CAND1: variants seen among roughly 807,000 people sequenced by gnomAD.
The protein encoded by CAND1 is cullin-associated NEDD8-dissociated protein 1.
In CAND1, 7 loss-of-function variants were observed where a neutral mutation model predicts 108.5. That is an observed-to-expected ratio of 0.06 (90% CI 0.04 to 0.12). The LOEUF (loss-of-function observed/expected upper bound fraction) is 0.12. Among genes scored for constraint, CAND1 ranks in the 10% least tolerant of loss-of-function variants. The pLI is 1.00. For missense variants in CAND1, 941 were observed against 1,448.7 expected, an observed-to-expected ratio of 0.65 and a Z score of 5.69; for synonymous variants, 534 against 512.0, an observed-to-expected ratio of 1.04 and a Z score of -0.58.
chr12:67,278,996 A>AG lies in CAND1; in HGVS notation c.69-2914_69-2913insG, dbSNP rs145177747. 7.3e-4 allele frequency among the ~76,000 whole-genome samples: 111 copies of AG among 152,232 alleles called. 2 individuals carry two copies. In the East Asian group the frequency reaches 0.02, roughly 28 times the overall value. On this transcript the variant is annotated intron_variant, in intron 1 of 14. Transcript: ENST00000545606. ...TTGGTTAGCCCTTATATCAGCAAAA[A>AG]CTAGTACAGTACCTGATATGTAGTA...
At chr12:67,276,030 C>T (rs1474884308) in intron 1 of CAND1, among the ~76,000 whole-genome samples, 2 of 152,156 alleles carry the variant, frequency 1.3e-5, no homozygotes, top group African/African-American at 4.8e-5. Flanking sequence ...TTTGATATCA[C>T]CCTTCTCCCG....
intron 8 of CAND1, among the ~76,000 whole-genome samples, chr12:67,304,365 G>A (rs1382538319): frequency 1.3e-5 from 2 of 152,134 alleles, no homozygotes; most frequent in Non-Finnish European, 2.9e-5. Context: ...TCTCTGGAAA[G>A]CTAAATGATA....
intron 2 of CAND1, among the ~76,000 whole-genome samples, chr12:67,285,892 G>C (rs1470085843): frequency 6.6e-6 from 1 of 152,132 alleles, no homozygotes; most frequent in Non-Finnish European, 1.5e-5. Flanking sequence ...GTAGTCCATT[G>C]ATGGTTTGTT....
At position 67,313,522 on chromosome 12, in the gene CAND1, A is replaced by G. The variant is rs1404244975; in HGVS notation, c.*692A>G. On this transcript the variant is annotated 3_prime_UTR_variant, in exon 15 of 15. Transcript: ENST00000545606. ...ATAAGTATTAGTGCAATTTTCAGATATTTATTTTTGCACAGAAAACACATT... is the reference window on the plus strand; with the variant it reads ...ATAAGTATTAGTGCAATTTTCAGATGTTTATTTTTGCACAGAAAACACATT... The G allele has an allele frequency of 6.6e-6, 1 of 152,596 alleles. No individual in the cohort carries two copies. The highest frequency in any genetic ancestry group is 1.5e-5 in the Non-Finnish European group (1 of 68,002). The allele number at this position is 152,596 out of a possible 1,614,324, so 9.5% of individuals were successfully genotyped here.
chr12:67,270,591 T>G (rs2044511447), intron 1 of CAND1: 1 of 152,224 alleles, frequency 6.6e-6, no homozygotes, highest in Admixed American at 6.5e-5. Flanking sequence ...AATATGAAGC[T>G]TTATTACAGC....
At chr12:67,273,002 T>G (rs1325117611) in intron 1 of CAND1, among the ~76,000 whole-genome samples, 1 of 152,158 alleles carries the variant, frequency 6.6e-6, no homozygotes, top group East Asian at 1.9e-4. Flanking sequence ...ATGCAGGGTT[T>G]TTTGTTTGTT....
At chr12:67,291,702 G>A (rs1805221384) in intron 2 of CAND1, among the ~76,000 whole-genome samples, 1 of 152,202 alleles carries the variant, frequency 6.6e-6, no homozygotes, top group East Asian at 1.9e-4. Flanking sequence ...TTCTCTGCAC[G>A]AAACAAAGCT....
At chr12:67,272,898 TG>T (rs1215623783) in intron 1 of CAND1, among the ~76,000 whole-genome samples, 5 of 152,154 alleles carry the variant, frequency 3.3e-5, no homozygotes, top group African/African-American at 1.2e-4. Flanking sequence ...GGTTTCACCA[TG>T]TTCGCCAGCA....
At chr12:67,303,792 G>GTAGC (rs1467599969) in intron 8 of CAND1, among the ~76,000 whole-genome samples, 2 of 152,186 alleles carry the variant, frequency 1.3e-5, no homozygotes, top group East Asian at 3.9e-4. Context: ...CCTGCTGCTT[G>GTAGC]TAGCTACATT....
rs762630920 is a variant in CAND1 at position 67,305,853 on chromosome 12, A to G, written c.2185A>G (p.Lys729Glu). The stretch of plus-strand genomic sequence containing the variant: ...AAAAGTATATCCCTCCTCCCTTTCA[A>G]AGATAAGTGGATCCATTCTCAATGA... ...LAKVYPSSLS[K>E]ISGSILNELI... Residue 729 changes from lysine (K) to glutamate (E), a missense_variant, in exon 10 of 15, where the codon AAG becomes GAG. By Grantham distance (56) the Lys-to-Glu change is moderately conservative (BLOSUM62 1). Around this residue, in one of 9 missense-constraint regions of CAND1, gnomAD observed 697 missense variants for 942.0 expected, o/e 0.74. Coordinates refer to ENST00000545606, the MANE Select transcript of CAND1 (RefSeq NM_018448.5). The surrounding 1 kb of genome is among the most constrained non-coding windows in gnomAD (Gnocchi z 4.4). The G allele has an allele frequency of 1.9e-6, 3 of 1,614,198 alleles. No individual in the cohort carries two copies. Among genetic ancestry groups the G allele is most frequent in the South Asian group, 2.2e-5 (2 of 91,080 alleles).
chr12:67,282,867 T>A (rs151265274), intron 2 of CAND1, among the ~76,000 whole-genome samples: 3 of 152,346 alleles, frequency 2.0e-5, no homozygotes, highest in African/African-American at 7.2e-5. Flanking sequence ...TGTCTTTGTG[T>A]ATACATTGCA....
chr12:67,307,462 C>T lies in CAND1; in HGVS notation c.2995C>T (p.Pro999Ser), dbSNP rs2044899853. ...VKFTISDHPQ[P>S]IDPLLKNCIG... ...ATTTACAATTTCTGACCATCCACAA[C>T]CTATTGATCCACTGTTAAAGAACTG... is the stretch of plus-strand genomic sequence containing the variant. Residue 999 changes from proline (P) to serine (S), a missense_variant, in exon 11 of 15, where the codon CCT (proline) becomes TCT (serine). Pro to Ser is a moderately conservative substitution (Grantham distance 74). Coordinates refer to ENST00000545606, the MANE Select transcript of CAND1 (RefSeq NM_018448.5). 1.2e-6 allele frequency: 2 copies of T among 1,609,852 alleles called. No homozygotes were observed. Among genetic ancestry groups the T allele is most frequent in the Non-Finnish European group, 1.7e-6 (2 of 1,177,540 alleles).
intron 2 of CAND1, 145 bp from the exon 3 acceptor site, chr12:67,292,476 GT>G: frequency 1.9e-6 from 1 of 519,280 alleles, no homozygotes; most frequent in Middle Eastern, 5.1e-4. Context: ...AATTTTTTAT[GT>G]CATTTGTATA....
chr12:67,310,683 A>C (rs1161472395), intron 13 of CAND1: 3 of 158,370 alleles, frequency 1.9e-5, no homozygotes, highest in Non-Finnish European at 4.2e-5. Context: ...GTTGCTACCC[A>C]TGGAGGGTTT....
Position 67,305,095 on chromosome 12 carries a change from G to A in CAND1, c.1436-9G>A, listed in dbSNP as rs751446884. On this transcript the variant is annotated splice_polypyrimidine_tract_variant and intron_variant, in intron 9 of 14. Transcript: ENST00000545606. This position sits in a 1 kb window ranked among gnomAD's most constrained non-coding sequence, Gnocchi z 4.4. ...ACAGCAATGATTGGATTTTTTGTTG[G>A]CTTTTTAGGAATCATTTTCTCACTG... 29 of 1,598,408 alleles carry A rather than the reference G, an allele frequency of 1.8e-5. No individual in the cohort carries two copies. Among genetic ancestry groups the A allele is most frequent in the Non-Finnish European group, 2.4e-5 (28 of 1,173,444 alleles).
Position 67,313,891 on chromosome 12 carries a change from T to G in CAND1, c.*1061T>G, listed in dbSNP as rs887283153. ...TTGTTAGCTAATAATAGTATTTTCT[T>G]TTAGTTGAGTTAGGTTTTTCCCCAT... On this transcript the variant is annotated 3_prime_UTR_variant, in exon 15 of 15. Transcript: ENST00000545606. The G allele has an allele frequency of 2.0e-5, 3 of 152,586 alleles. No homozygotes were observed. Among genetic ancestry groups the G allele is most frequent in the African/African-American group, 7.2e-5 (3 of 41,448 alleles). 9.5% of individuals were successfully genotyped at this position (152,586 alleles called of 1,614,324 possible).
chr12:67,302,638 G>C, intron 8 of CAND1, 23 bp downstream of exon 8: 1 of 1,584,720 alleles, frequency 6.3e-7, no homozygotes, highest in East Asian at 2.3e-5. Context: ...GTAAAGTTTA[G>C]AAAATCATGA....
chr12:67,295,015 G>T lies in CAND1; in HGVS notation c.368-18G>T. The stretch of plus-strand genomic sequence containing the variant: ...ACATGCTTGCCTTGAAATTATTATT[G>T]GCTTCTTATTCATGCAGGCTCTGCA... On this transcript the variant is annotated intron_variant, in intron 3 of 14. Transcript: ENST00000545606. 1 of 1,601,780 alleles carries T rather than the reference G, an allele frequency of 6.2e-7. No homozygotes were observed. The highest frequency in any genetic ancestry group is 1.1e-5 in the South Asian group (1 of 89,100).
At chr12:67,289,654 A>G (rs745456304) in intron 2 of CAND1, among the ~76,000 whole-genome samples, 19 of 152,168 alleles carry the variant, frequency 1.2e-4, no homozygotes, top group Non-Finnish European at 2.5e-4. Context: ...TCGGATTACA[A>G]TCGTGACTCG....
Sources: gnomAD v4.1 joint callset for allele counts (sites outside exome capture counted in the v4.1 genomes callset) on GRCh38, gnomAD v4.1.1 for gene constraint, gnomAD v4.1.1 regional missense constraint, Gnocchi (gnomAD v3.1) non-coding constraint, MANE v1.5 for transcripts, NCBI Gene and HGNC (gene_info 2026-07-23, HGNC 2026-07-21) for gene names.